Variants in SPATS1 observed in about 807,000 individuals in gnomAD.
SPATS1 encodes the protein spermatogenesis associated serine rich 1, also known as spermatogenesis-associated serine-rich protein 1.
Under a neutral mutation model 33.6 loss-of-function variants are expected in SPATS1, and 23 were observed. The ratio of observed to expected loss-of-function variants is 0.68; its 90% CI spans 0.49 to 0.97. The LOEUF (loss-of-function observed/expected upper bound fraction) is 0.97. Ranked by LOEUF, SPATS1 falls within the 50% of genes least tolerant of loss-of-function variation. The pLI is 0.00. For missense variants in SPATS1, 327 were observed against 361.0 expected (o/e 0.91, Z 0.76); for synonymous variants, 131 against 125.6 (o/e 1.04, Z -0.29).
At chr6:44,357,331 C>A (rs868459638) in intron 3 of SPATS1, among the ~76,000 whole-genome samples, 1 of 152,104 alleles carries the variant, frequency 6.6e-6, no homozygotes, top group African/African-American at 2.4e-5. Flanking sequence ...ATGCTATTCT[C>A]CTTTTTCTGG....
intron 7 of SPATS1, 80 bp downstream of exon 7, chr6:44,370,193 C>G (rs1347860956): frequency 7.5e-7 from 1 of 1,341,332 alleles, no homozygotes; most frequent in Non-Finnish European, 1.0e-6. Flanking sequence ...TGTGGAGGAG[C>G]AGGTAGATAA....
chr6:44,369,905 A>AATAAG (rs1383419046), intron 6 of SPATS1, 146 bp from the exon 7 acceptor site: 1 of 419,620 alleles, frequency 2.4e-6, no homozygotes, highest in Non-Finnish European at 4.2e-6. Context: ...AATAAAATAA[A>AATAAG]ATAAAATCTG....
intron 6 of SPATS1, among the ~76,000 whole-genome samples, chr6:44,369,290 C>T (rs1169725772): frequency 1.3e-5 from 2 of 152,040 alleles, no homozygotes; most frequent in African/African-American, 4.8e-5. Flanking sequence ...CGCCTGTAAC[C>T]CCAGCCCTTT....
Position 44,370,979 on chromosome 6 carries a change from G to GTTT in SPATS1, c.758+880_758+882dup, listed in dbSNP as rs532344535. Among the ~76,000 whole-genome samples, 280 of 141,698 alleles carry GTTT rather than the reference G, an allele frequency of 2.0e-3. 2 individuals carry two copies. The highest frequency in any genetic ancestry group is 0.019 in the Middle Eastern group (5 of 270). 93.0% of individuals were successfully genotyped at this position (141,698 alleles called of 152,430 possible). ...TAGTCTGGTTTTCCTAAAAAGAAAG[G>GTTT]TTTTTTTTTTTTTTTTCTTGAAGTA... On this transcript the variant is annotated intron_variant, in intron 7 of 8. Coordinates refer to ENST00000674044, the MANE Select transcript of SPATS1 (RefSeq NM_001372081.1).
chr6:44,356,482 G>C (rs969156553), intron 3 of SPATS1, among the ~76,000 whole-genome samples: 1 of 152,182 alleles, frequency 6.6e-6, no homozygotes, highest in Admixed American at 6.5e-5. Context: ...ACCTAGATCG[G>C]TGCCTCTGGC....
At chr6:44,372,995 C>A (rs1162932856) in intron 7 of SPATS1, among the ~76,000 whole-genome samples, 1 of 152,118 alleles carries the variant, frequency 6.6e-6, no homozygotes, top group Non-Finnish European at 1.5e-5. Context: ...GATTTTTAGC[C>A]CTTTGTGAGC....
intron 2 of SPATS1, 100 bp downstream of exon 2, chr6:44,343,334 A>G (rs911273389): frequency 7.1e-7 from 1 of 1,416,258 alleles, no homozygotes; most frequent in Non-Finnish European, 9.9e-7. Flanking sequence ...TGAAGTTTAG[A>G]AGGAAGCTAG....
chr6:44,345,643 A>G (rs139747488), intron 2 of SPATS1, among the ~76,000 whole-genome samples: 1 of 152,202 alleles, frequency 6.6e-6, no homozygotes, highest in Non-Finnish European at 1.5e-5. Context: ...AAAAATTACC[A>G]TAAGTAAATC....
At chr6:44,361,244 A>G (rs1788900793) in intron 4 of SPATS1, 1 of 682,238 alleles carries the variant, frequency 1.5e-6, no homozygotes, top group Admixed American at 6.3e-5. Context: ...ACTGTTAGCC[A>G]TCTTACAGGA....
chr6:44,357,920 A>G (rs1417490653), intron 3 of SPATS1, among the ~76,000 whole-genome samples: 1 of 152,206 alleles, frequency 6.6e-6, no homozygotes, highest in African/African-American at 2.4e-5. Flanking sequence ...TGGTTGGAAG[A>G]CATGAGAATT....
intron 5 of SPATS1, among the ~76,000 whole-genome samples, chr6:44,363,682 C>G (rs1328476322): frequency 6.9e-6 from 1 of 144,450 alleles, no homozygotes; most frequent in African/African-American, 2.5e-5. Context: ...TTCCTTCCCT[C>G]CTTCCCTCCT....
Position 44,360,496 on chromosome 6 carries a change from C to G in SPATS1, c.338C>G (p.Ser113Cys). The change falls in exon 4 of 9, where the codon TCC (serine) becomes TGC (cysteine). Residue 113 changes from serine to cysteine, a missense_variant. Ser to Cys is a moderately radical substitution (Grantham distance 112, BLOSUM62 -1). Transcript: ENST00000674044. ...CTCTCCTTCTCACATTCTGATCACT[C>G]CTCTGAAATGTCGTTGCCTGAAGTC... ...RKLSFSHSDH[S>C]SEMSLPEVQK... 6.2e-7 allele frequency: 1 copy of G among 1,614,156 alleles called. No individual in the cohort carries two copies.
At chr6:44,375,614 A>T (rs1450845124) in intron 7 of SPATS1, among the ~76,000 whole-genome samples, 1 of 152,200 alleles carries the variant, frequency 6.6e-6, no homozygotes, top group Non-Finnish European at 1.5e-5. Context: ...GTTCAAGACC[A>T]GCCTGACCAA....
At chr6:44,371,821 TG>T (rs1329272718) in intron 7 of SPATS1, among the ~76,000 whole-genome samples, 2 of 151,580 alleles carry the variant, frequency 1.3e-5, no homozygotes, top group Non-Finnish European at 2.9e-5. Context: ...GGCAGGCGCC[TG>T]TGGTCCCAGC....
chr6:44,362,573 T>C (rs1351947209), intron 5 of SPATS1, among the ~76,000 whole-genome samples: 1 of 152,250 alleles, frequency 6.6e-6, no homozygotes, highest in Non-Finnish European at 1.5e-5. Flanking sequence ...TGACCATTTA[T>C]GACACATTTT....
intron 1 of SPATS1, 137 bp from the exon 2 acceptor site, chr6:44,342,959 T>TCCCGTTTAGAGGCCAGTCCTGC: frequency 7.9e-7 from 1 of 1,268,536 alleles, no homozygotes; most frequent in Non-Finnish European, 1.1e-6. Context: ...GGAGTAAGGC[T>TCCCGTTTAGAGGCCAGTCCTGC]CCCGTTTAGA....
At chr6:44,365,516 G>C (rs1359535589) in intron 5 of SPATS1, among the ~76,000 whole-genome samples, 1 of 152,230 alleles carries the variant, frequency 6.6e-6, no homozygotes, top group Non-Finnish European at 1.5e-5. Context: ...TTCCAAGGAT[G>C]CTGTCTGCTT....
intron 8 of SPATS1, 137 bp from the exon 9 acceptor site, chr6:44,376,898 G>T: frequency 1.1e-6 from 1 of 903,448 alleles, no homozygotes; most frequent in Non-Finnish European, 1.8e-6. Context: ...AGTATCTCCT[G>T]GAGTGGATGT....
At position 44,354,785 on chromosome 6, in the gene SPATS1, T is replaced by C. The variant is rs1213925102; in HGVS notation, c.287+1912T>C. On this transcript the variant is annotated intron_variant, in intron 3 of 8. Transcript: ENST00000674044. ...TCTATGGGTTTGGACAAATGTATAATGGCATGTATCCATCATTGTAGTAGC... is the reference window on the plus strand; with the variant it reads ...TCTATGGGTTTGGACAAATGTATAACGGCATGTATCCATCATTGTAGTAGC... 3.3e-5 allele frequency among the ~76,000 whole-genome samples: 5 copies of C among 152,322 alleles called. No homozygotes were observed. In the South Asian group the frequency reaches 8.3e-4, roughly 25 times the overall value.
Sources: allele counts gnomAD v4.1 joint callset (sites outside exome capture counted in the v4.1 genomes callset), GRCh38; gene constraint gnomAD v4.1.1; transcripts MANE v1.5; gene names NCBI Gene and HGNC (gene_info 2026-07-23, HGNC 2026-07-21).